SLC12A1: variants seen among roughly 807,000 people sequenced by gnomAD.
The protein encoded by SLC12A1 is Na-K-2Cl cotransporter.
Under a neutral mutation model 130.4 loss-of-function variants are expected in SLC12A1, and 89 were observed. That is an observed-to-expected ratio of 0.68 (90% CI 0.58 to 0.81). The LOEUF is 0.81. Among genes scored for constraint, SLC12A1 ranks in the 40% least tolerant of loss-of-function variants. SLC12A1 has a pLI of 0.00. For synonymous variants in SLC12A1, 499 were observed against 460.0 expected (o/e 1.08, Z -1.09); for missense variants, 1,310 against 1,336.4 (o/e 0.98, Z 0.31).
intron 20 of SLC12A1, 143 bp downstream of exon 20, chr15:48,274,796 A>T (rs2041933918): frequency 1.8e-6 from 1 of 561,144 alleles, no homozygotes; most frequent in East Asian, 2.9e-5. Context: ...CGTAGTGCAT[A>T]TAGTTCCCCC....
chr15:48,246,568 G>T (rs895798622), intron 11 of SLC12A1, among the ~76,000 whole-genome samples: 1 of 152,142 alleles, frequency 6.6e-6, no homozygotes, highest in African/African-American at 2.4e-5. Context: ...ATCACTTGAG[G>T]TCAGGAGTTC....
In SLC12A1 at chr15:48,288,066, T is replaced by C. The variant is rs375157909; in HGVS notation, c.2653T>C (p.Ser885Pro). The C allele has an allele frequency of 2.7e-5, 43 of 1,611,126 alleles. No homozygotes were observed. The highest frequency in any genetic ancestry group is 1.6e-4 in the Middle Eastern group (1 of 6,062). ...AGATGGCAGCATTAACACAAGCCAG[T>C]CGATGCATGTGGGAGAGTTCAACCA... The part of the protein sequence containing the change: ...KKDGSINTSQ[S>P]MHVGEFNQKL... Residue 885 changes from serine to proline, a missense_variant, in exon 22 of 27, where the codon TCG (serine) becomes CCG (proline). Physicochemically the swap from Ser to Pro is moderately conservative, Grantham distance 74 (BLOSUM62 -1). Coordinates refer to ENST00000380993, the MANE Select transcript of SLC12A1 (RefSeq NM_000338.3).
chr15:48,281,459 T>G (rs1385154294), intron 20 of SLC12A1, among the ~76,000 whole-genome samples: 1 of 152,164 alleles, frequency 6.6e-6, no homozygotes, highest in Non-Finnish European at 1.5e-5. Context: ...TGATTCTGAT[T>G]GAGAAATTTG....
intron 9 of SLC12A1, chr15:48,237,269 G>A: frequency 2.1e-6 from 1 of 483,574 alleles, no homozygotes; most frequent in Admixed American, 3.7e-5. Context: ...CAAGAAAGAT[G>A]CTGCTAATGA....
chr15:48,219,541 G>A (rs2041172924), intron 2 of SLC12A1, among the ~76,000 whole-genome samples: 1 of 150,760 alleles, frequency 6.6e-6, no homozygotes, highest in Admixed American at 6.6e-5. Flanking sequence ...GGGTGACAGA[G>A]CAAGACTCTG....
chr15:48,287,912 G>T, intron 21 of SLC12A1, 131 bp from the exon 22 acceptor site: 1 of 928,198 alleles, frequency 1.1e-6, no homozygotes, highest in Non-Finnish European at 1.5e-6. Flanking sequence ...GAAGAATACC[G>T]CTATTTATTT....
At chr15:48,218,952 G>T (rs2041162725) in intron 2 of SLC12A1, among the ~76,000 whole-genome samples, 1 of 152,136 alleles carries the variant, frequency 6.6e-6, no homozygotes, top group Admixed American at 6.5e-5. Flanking sequence ...GCTGTTTCCT[G>T]CCCTCTTGAG....
intron 23 of SLC12A1, among the ~76,000 whole-genome samples, chr15:48,290,038 A>G (rs530877207): frequency 6.6e-6 from 1 of 152,358 alleles, no homozygotes; most frequent in Non-Finnish European, 1.5e-5. Flanking sequence ...CCCTTTTGTA[A>G]TAACACTGAG....
Position 48,263,683 on chromosome 15 carries a change from TTTTA to T in SLC12A1, c.2155-3854_2155-3851del, listed in dbSNP as rs201165308. On this transcript the variant is annotated intron_variant, in intron 17 of 26. Transcript: ENST00000380993. Reference sequence around the variant, plus strand: ...TTATAGAAGCTTCTACTCACTTTATTTTTATTTATTTATTTATTTATTTATTTGA... The same window carrying T: ...TTATAGAAGCTTCTACTCACTTTATTTTTATTTATTTATTTATTTATTTGA... 4.8e-3 allele frequency among the ~76,000 whole-genome samples: 728 copies of T among 151,634 alleles called. 8 individuals are homozygous for T. The highest frequency in any genetic ancestry group is 0.045 in the Middle Eastern group (13 of 292).
At chr15:48,273,844 A>G (rs2041922794) in intron 19 of SLC12A1, among the ~76,000 whole-genome samples, 1 of 152,242 alleles carries the variant, frequency 6.6e-6, no homozygotes, top group Non-Finnish European at 1.5e-5. Context: ...AAGTATAAAC[A>G]AAGGACCTCC....
intron 19 of SLC12A1, among the ~76,000 whole-genome samples, chr15:48,271,149 T>C (rs1450998598): frequency 6.6e-6 from 1 of 151,936 alleles, no homozygotes; most frequent in Non-Finnish European, 1.5e-5. Flanking sequence ...GAGGTGAAGG[T>C]TGCAGTGAGC....
At chr15:48,272,256 G>A (rs1332291854) in intron 19 of SLC12A1, among the ~76,000 whole-genome samples, 1 of 152,204 alleles carries the variant, frequency 6.6e-6, no homozygotes, top group Admixed American at 6.5e-5. Flanking sequence ...TGACAATCAT[G>A]TATCCATATT....
At chr15:48,238,822 A>C (rs2041468570) in intron 9 of SLC12A1, among the ~76,000 whole-genome samples, 1 of 152,230 alleles carries the variant, frequency 6.6e-6, no homozygotes, top group Non-Finnish European at 1.5e-5. Context: ...CATGTTACAA[A>C]GTTCCCATCC....
At chr15:48,270,700 T>C (rs11070633) in intron 19 of SLC12A1, among the ~76,000 whole-genome samples, 1 of 20,048 alleles carries the variant, frequency 5.0e-5, no homozygotes. Context: ...TATATACACA[T>C]ACACACAATT....
chr15:48,253,599 G>C (rs1489154773), intron 15 of SLC12A1, among the ~76,000 whole-genome samples: 1 of 152,094 alleles, frequency 6.6e-6, no homozygotes, highest in East Asian at 1.9e-4. Context: ...ACCAGTTGAT[G>C]GTCATCTGAG....
intron 2 of SLC12A1, among the ~76,000 whole-genome samples, chr15:48,219,185 T>A (rs1407346526): frequency 1.3e-5 from 2 of 152,200 alleles, no homozygotes; most frequent in Non-Finnish European, 2.9e-5. Flanking sequence ...GGAATAACAT[T>A]CTTGTCATCA....
chr15:48,237,592 G>A (rs941772070), intron 9 of SLC12A1, among the ~76,000 whole-genome samples: 2 of 152,130 alleles, frequency 1.3e-5, no homozygotes, highest in Non-Finnish European at 2.9e-5. Context: ...GGCATACATG[G>A]TCATAATATT....
In SLC12A1 at chr15:48,250,676, T is replaced by TCACACACACACACACACACACA. The variant is rs56705329; in HGVS notation, c.1787-929_1787-908dup. On this transcript the variant is annotated intron_variant, in intron 14 of 26. Transcript: ENST00000380993. ...TACACAAACCCAGAAAATGTCTGCC[T>TCACACACACACACACACACACA]CACACACACACACACACACACACAC... is the stretch of plus-strand genomic sequence containing the variant. Among the ~76,000 whole-genome samples the TCACACACACACACACACACACA allele has an allele frequency of 5.1e-3, 741 of 146,006 alleles. 11 individuals carry two copies. The highest frequency in any genetic ancestry group is 0.017 in the African/African-American group (647 of 38,014).
At chr15:48,235,354 AAC>A in intron 9 of SLC12A1, 4 of 297,866 alleles carry the variant, frequency 1.3e-5, no homozygotes, top group East Asian at 8.0e-5. Flanking sequence ...GTAAAAAAAA[AAC>A]AAAACAAAAC....
Sources: gnomAD v4.1 joint callset for allele counts (sites outside exome capture counted in the v4.1 genomes callset) on GRCh38, gnomAD v4.1.1 for gene constraint, MANE v1.5 for transcripts, NCBI Gene and HGNC (gene_info 2026-07-23, HGNC 2026-07-21) for gene names.